The following SMAD3 variants were observed in gnomAD, a reference collection of about 807,000 sequenced individuals.
The protein encoded by SMAD3 is SMAD family member 3.
SMAD3 carries 12 observed loss-of-function variants against 51.8 expected under a neutral mutation model. The observed-to-expected ratio is 0.23, with a 90% CI of 0.15 to 0.38. SMAD3 has a LOEUF of 0.38. Ranked by LOEUF, SMAD3 falls within the 10% of genes least tolerant of loss-of-function variation. The pLI, the probability that SMAD3 is intolerant of heterozygous loss-of-function variation, is 1.00. For missense variants in SMAD3, 294 were observed against 565.6 expected, an observed-to-expected ratio of 0.52 and a Z score of 4.87; for synonymous variants, 238 against 227.7, an observed-to-expected ratio of 1.05 and a Z score of -0.41.
At chr15:67,101,080 A>G (rs528685185) in intron 1 of SMAD3, among the ~76,000 whole-genome samples, 1 of 152,314 alleles carries the variant, frequency 6.6e-6, no homozygotes, top group South Asian at 2.1e-4. Flanking sequence ...GTAGAAATAG[A>G]AATATCCCAA....
chr15:67,089,609 G>A (rs1960468354), intron 1 of SMAD3, among the ~76,000 whole-genome samples: 1 of 152,228 alleles, frequency 6.6e-6, no homozygotes, highest in African/African-American at 2.4e-5. Flanking sequence ...CCCATGGGGA[G>A]TGTGTGTGCG....
intron 4 of SMAD3, 77 bp downstream of exon 4, chr15:67,166,930 T>G: frequency 8.8e-7 from 1 of 1,138,836 alleles, no homozygotes; most frequent in Non-Finnish European, 1.3e-6. Flanking sequence ...CCCTTCCTCT[T>G]CGCCCTCTCC....
At chr15:67,150,506 C>G (rs1002363139) in intron 1 of SMAD3, among the ~76,000 whole-genome samples, 3 of 152,142 alleles carry the variant, frequency 2.0e-5, no homozygotes, top group Non-Finnish European at 4.4e-5. Flanking sequence ...GAAAGTAAAT[C>G]CCACCCCCAA....
At chr15:67,097,056 C>T (rs935163585) in intron 1 of SMAD3, among the ~76,000 whole-genome samples, 7 of 152,194 alleles carry the variant, frequency 4.6e-5, no homozygotes, top group Admixed American at 3.3e-4. Context: ...ACTCTTAACT[C>T]AGGCATGGTC....
rs886038971 is a variant in SMAD3 at position 67,165,069 on chromosome 15, C to T, written c.381C>T (p.Tyr127=). 5 of 1,614,100 alleles carry T rather than the reference C, an allele frequency of 3.1e-6. No individual in the cohort carries two copies. The African/African-American group carries it at 5.3e-5, about 17-fold the overall frequency. The change falls in exon 2 of 9, where the codon TAC becomes TAT. Residue 127 remains tyrosine (Y), a synonymous_variant. Coordinates refer to ENST00000327367, the MANE Select transcript of SMAD3 (RefSeq NM_005902.4). ...AGGTCTGCGTGAATCCCTACCACTA[C>T]CAGAGAGTAGAGACACCAGGTATGC... is the stretch of plus-strand genomic sequence containing the variant. ...KDEVCVNPYH[Y]QRVETPVLPP...
intron 1 of SMAD3, among the ~76,000 whole-genome samples, chr15:67,150,847 CTTT>C (rs58914503): frequency 2.0e-4 from 3 of 14,668 alleles, no homozygotes; most frequent in African/African-American, 5.6e-4. Context: ...ATTTCTCAGT[CTTT>C]TTTTTTTTTT....
At chr15:67,158,993 T>TA (rs949743070) in intron 1 of SMAD3, among the ~76,000 whole-genome samples, 2 of 152,234 alleles carry the variant, frequency 1.3e-5, no homozygotes, top group Non-Finnish European at 2.9e-5. Context: ...TCTCTTTTTT[T>TA]AAAAAAATTG....
intron 1 of SMAD3, chr15:67,138,436 G>A: frequency 3.3e-6 from 1 of 307,232 alleles, no homozygotes. Context: ...GCGTGCTGGG[G>A]AGGGGAGCTA....
intron 1 of SMAD3, among the ~76,000 whole-genome samples, chr15:67,088,649 G>T (rs997702896): frequency 1.3e-5 from 2 of 152,200 alleles, no homozygotes; most frequent in East Asian, 3.9e-4. Context: ...GGATGCTAAG[G>T]CCGGGTGCGG....
intron 1 of SMAD3, among the ~76,000 whole-genome samples, chr15:67,099,271 G>C (rs989803465): frequency 2.0e-5 from 3 of 152,196 alleles, no homozygotes; most frequent in African/African-American, 7.2e-5. Context: ...AAGCATCACT[G>C]TCCTCCAAAG....
chr15:67,164,575 C>T (rs1962523268), intron 1 of SMAD3, among the ~76,000 whole-genome samples: 1 of 152,190 alleles, frequency 6.6e-6, no homozygotes, highest in South Asian at 2.1e-4. Context: ...TTTCCAAGCA[C>T]AACTGAAGTG....
intron 5 of SMAD3, among the ~76,000 whole-genome samples, chr15:67,171,163 G>A (rs972679980): frequency 6.6e-6 from 1 of 152,086 alleles, no homozygotes; most frequent in Non-Finnish European, 1.5e-5. Context: ...ATATCTCTGT[G>A]CCTTGCCACT....
intron 1 of SMAD3, among the ~76,000 whole-genome samples, chr15:67,160,616 G>A (rs549930604): frequency 3.3e-5 from 5 of 151,796 alleles, no homozygotes; most frequent in South Asian, 4.2e-4. Context: ...CTAAAAATAC[G>A]AAAAATTAGC....
chr15:67,101,535 G>C (rs141121010), intron 1 of SMAD3, among the ~76,000 whole-genome samples: 216 of 152,284 alleles, frequency 1.4e-3, no homozygotes, highest in African/African-American at 4.8e-3. Flanking sequence ...TGCCAGTATA[G>C]CAATGATGAT....
In SMAD3 at chr15:67,191,035, G is replaced by GGCCCCCC; in HGVS notation, c.*499_*500insGCCCCCC. 4.5e-6 allele frequency: 1 copy of GGCCCCCC among 224,532 alleles called. No individual in the cohort carries two copies. Among genetic ancestry groups the GGCCCCCC allele is most frequent in the Non-Finnish European group, 8.8e-6 (1 of 114,166 alleles). The allele number at this position is 224,532 out of a possible 1,614,324, so 13.9% of individuals were successfully genotyped here. A position where few individuals can be genotyped will look rare whatever the true frequency, so the allele number is the denominator to read the frequency against. The stretch of plus-strand genomic sequence containing the variant: ...TCTTCCAGTGAACATTCCCAGCCCA[G>GGCCCCCC]CCCCGCCCCGCCCCGCCCCACCACT... On this transcript the variant is annotated 3_prime_UTR_variant, in exon 9 of 9. Coordinates refer to ENST00000327367, the MANE Select transcript of SMAD3 (RefSeq NM_005902.4).
At chr15:67,101,719 A>C (rs1431051814) in intron 1 of SMAD3, among the ~76,000 whole-genome samples, 2 of 152,262 alleles carry the variant, frequency 1.3e-5, no homozygotes, top group Non-Finnish European at 2.9e-5. Flanking sequence ...GATTAGCTAC[A>C]TGACCTTAGG....
At chr15:67,122,219 A>G (rs1042085704) in intron 1 of SMAD3, among the ~76,000 whole-genome samples, 3 of 152,110 alleles carry the variant, frequency 2.0e-5, no homozygotes, top group African/African-American at 7.3e-5. Flanking sequence ...CATTTTACAC[A>G]TGAGGAAACT....
chr15:67,098,618 A>G (rs1960672666), intron 1 of SMAD3: 1 of 507,830 alleles, frequency 2.0e-6, no homozygotes, highest in Non-Finnish European at 3.6e-6. Context: ...TTTGAGGCCC[A>G]GATCTGCTTA....
chr15:67,082,913 T>A (rs1433541672), intron 1 of SMAD3, among the ~76,000 whole-genome samples: 1 of 152,174 alleles, frequency 6.6e-6, no homozygotes, highest in African/African-American at 2.4e-5. Context: ...AGAGTTACAG[T>A]TTTTGCTCTG....
Sources: allele counts gnomAD v4.1 joint callset (sites outside exome capture counted in the v4.1 genomes callset), GRCh38; gene constraint gnomAD v4.1.1; transcripts MANE v1.5; gene names NCBI Gene and HGNC (gene_info 2026-07-23, HGNC 2026-07-21).